The following TRIM71 variants were observed in gnomAD, a reference collection of about 807,000 sequenced individuals.
The protein encoded by TRIM71 is E3 ubiquitin-protein ligase TRIM71.
A neutral mutation model predicts 61.2 loss-of-function variants in TRIM71; 9 were observed. The observed-to-expected ratio is 0.15, with a 90% CI of 0.09 to 0.26. The LOEUF (loss-of-function observed/expected upper bound fraction) is 0.26, where lower values mean the gene tolerates loss of function less well. Ranked by LOEUF, TRIM71 falls within the 10% of genes least tolerant of loss-of-function variation. TRIM71 has a pLI of 1.00. For missense variants in TRIM71, 998 were observed against 1,238.7 expected (o/e 0.81, Z 2.92); for synonymous variants, 645 against 553.2 (o/e 1.17, Z -2.33).
In TRIM71 at chr3:32,818,013, C is replaced by G; in HGVS notation, c.-68C>G. ...GAGTCGGTGACTCCCCCACCCACCT[C>G]GTCCGCTCTCTCCTCCTCCTCCTCC... On this transcript the variant is annotated 5_prime_UTR_variant, in exon 1 of 4. Coordinates refer to ENST00000383763, the MANE Select transcript of TRIM71 (RefSeq NM_001039111.3). 2.0e-6 allele frequency: 3 copies of G among 1,474,364 alleles called. No homozygotes were observed. Among genetic ancestry groups the G allele is most frequent in the Non-Finnish European group, 2.8e-6 (3 of 1,067,312 alleles). The allele number at this position is 1,474,364 out of a possible 1,614,324, so 91.3% of individuals were successfully genotyped here. A position where few individuals can be genotyped will look rare whatever the true frequency, so the allele number is the denominator to read the frequency against.
intron 1 of TRIM71, among the ~76,000 whole-genome samples, chr3:32,840,486 T>C (rs1262536190): frequency 1.3e-5 from 2 of 152,208 alleles, no homozygotes; most frequent in African/African-American, 4.8e-5. Flanking sequence ...TCCTGAACTT[T>C]ACTCCATTAT....
intron 1 of TRIM71, among the ~76,000 whole-genome samples, chr3:32,838,460 T>G (rs1470792684): frequency 6.6e-6 from 1 of 151,306 alleles, no homozygotes; most frequent in Non-Finnish European, 1.5e-5. Context: ...CTGACTCAAG[T>G]GATCCACCCG....
rs562378568 is a variant in TRIM71, at chr3:32,818,002, C to T, written c.-79C>T. ...TTTTTCTGAGTGAGTCGGTGACTCC[C>T]CCACCCACCTCGTCCGCTCTCTCCT... On this transcript the variant is annotated 5_prime_UTR_variant, in exon 1 of 4. Coordinates refer to ENST00000383763, the MANE Select transcript of TRIM71 (RefSeq NM_001039111.3). The T allele has an allele frequency of 4.4e-6, 6 of 1,370,694 alleles. No homozygotes were observed. In the Admixed American group the frequency reaches 1.1e-4, roughly 25 times the overall value. 84.9% of individuals were successfully genotyped at this position (1,370,694 alleles called of 1,614,324 possible).
At chr3:32,868,949 CT>C (rs1288106675) in intron 1 of TRIM71, among the ~76,000 whole-genome samples, 13 of 152,176 alleles carry the variant, frequency 8.5e-5, no homozygotes, top group Admixed American at 5.9e-4. Flanking sequence ...GAGGCTTCTG[CT>C]GAGGGTTTGG....
At chr3:32,876,172 G>A (rs746931517) in intron 2 of TRIM71, among the ~76,000 whole-genome samples, 7 of 152,156 alleles carry the variant, frequency 4.6e-5, no homozygotes, top group African/African-American at 9.7e-5. Context: ...GGATGAAGTG[G>A]TTTGTGTCTT....
chr3:32,873,123 A>T (rs1696816222), intron 1 of TRIM71, among the ~76,000 whole-genome samples: 1 of 128,726 alleles, frequency 7.8e-6, no homozygotes, highest in Non-Finnish European at 1.6e-5. Flanking sequence ...AGGGAAGTGT[A>T]GAACATCACA....
chr3:32,845,411 C>T (rs901868755), intron 1 of TRIM71, among the ~76,000 whole-genome samples: 4 of 152,142 alleles, frequency 2.6e-5, no homozygotes, highest in African/African-American at 7.2e-5. Context: ...CCCCACTGTC[C>T]CTCATCTGGC....
chr3:32,844,308 AAG>A (rs1177198247), intron 1 of TRIM71, among the ~76,000 whole-genome samples: 1 of 152,190 alleles, frequency 6.6e-6, no homozygotes, highest in Non-Finnish European at 1.5e-5. Flanking sequence ...CCCTAGGAGG[AAG>A]AGGGGATTTT....
In TRIM71 at chr3:32,818,563, C is replaced by T. The variant is rs1382881277; in HGVS notation, c.483C>T (p.Ser161=). 2 of 1,257,028 alleles carry T rather than the reference C, an allele frequency of 1.6e-6. No homozygotes were observed. The highest frequency in any genetic ancestry group is 2.0e-6 in the Non-Finnish European group (2 of 1,008,698). The allele number at this position is 1,257,028 out of a possible 1,614,324, so 77.9% of individuals were successfully genotyped here. ...CTCACCACGCGCACCCGCGCGCGTC[C>T]GCCTCCGCGCCGCCACTCCCGCAGG... is the stretch of plus-strand genomic sequence containing the variant. ...HHAHHAHPRA[S]ASAPPLPQAP... Residue 161 remains serine (S), a synonymous_variant, in exon 1 of 4, where the codon TCC becomes TCT. Transcript: ENST00000383763.
intron 1 of TRIM71, among the ~76,000 whole-genome samples, chr3:32,828,179 G>T (rs771939371): frequency 1.3e-5 from 2 of 152,118 alleles, no homozygotes; most frequent in African/African-American, 4.8e-5. Flanking sequence ...TCCGAGATCA[G>T]TGTCAAAGGG....
intron 2 of TRIM71, among the ~76,000 whole-genome samples, chr3:32,882,469 G>C (rs910443320): frequency 1.3e-5 from 2 of 152,052 alleles, no homozygotes; most frequent in African/African-American, 4.8e-5. Context: ...CTGGGGCTGT[G>C]ACTCTTCAAA....
intron 1 of TRIM71, among the ~76,000 whole-genome samples, chr3:32,824,182 T>G (rs957207214): frequency 6.6e-6 from 1 of 152,110 alleles, no homozygotes; most frequent in African/African-American, 2.4e-5. Flanking sequence ...ATTTAGTCCT[T>G]TTGTTTTTTT....
intron 2 of TRIM71, among the ~76,000 whole-genome samples, chr3:32,879,656 C>A (rs1158981126): frequency 7.8e-6 from 1 of 127,884 alleles, no homozygotes; most frequent in Non-Finnish European, 1.6e-5. Flanking sequence ...AGTATTGCCA[C>A]AAATCTTCAA....
chr3:32,818,424 T>A lies in TRIM71; in HGVS notation c.344T>A (p.Leu115Gln). 1.4e-6 allele frequency: 2 copies of A among 1,475,802 alleles called. No homozygotes were observed. Among genetic ancestry groups the A allele is most frequent in the Non-Finnish European group, 1.8e-6 (2 of 1,118,014 alleles). The allele number at this position is 1,475,802 out of a possible 1,614,324, so 91.4% of individuals were successfully genotyped here. A position where few individuals can be genotyped will look rare whatever the true frequency, so the allele number is the denominator to read the frequency against. The stretch of plus-strand genomic sequence containing the variant: ...GACGCGCTGCCTTCGTCCGCCTTCC[T>A]GCTTAGCAACCTGCTCGACGCGGTG... ...GMDALPSSAF[L>Q]LSNLLDAVVA... Residue 115 changes from leucine to glutamine, a missense_variant, in exon 1 of 4, where the codon CTG (leucine) becomes CAG (glutamine). Leu to Gln is a moderately radical substitution (Grantham distance 113, BLOSUM62 -2). This residue lies in a region of TRIM71 where 527 missense variants were observed against 427.8 expected (regional missense o/e 1.23). Coordinates refer to ENST00000383763, the MANE Select transcript of TRIM71 (RefSeq NM_001039111.3).
rs35654776 is a variant in TRIM71, at chr3:32,847,190, ATTTT to A, written c.853-26608_853-26605del. 1.2e-4 allele frequency among the ~76,000 whole-genome samples: 13 copies of A among 107,108 alleles called. No homozygotes were observed. In the East Asian group the frequency reaches 4.0e-3, roughly 33 times the overall value. The allele number at this position is 107,108 out of a possible 152,430, so 70.3% of individuals were successfully genotyped here. A position where few individuals can be genotyped will look rare whatever the true frequency, so the allele number is the denominator to read the frequency against. ...CAGGCTCTCGCCGCCAGGTCCAGCA[ATTTT>A]TTTTTTTTTTTTTTTTTTTGAGACT... On this transcript the variant is annotated intron_variant, in intron 1 of 3. Transcript: ENST00000383763.
chr3:32,882,639 A>G (rs1014543845), intron 2 of TRIM71, among the ~76,000 whole-genome samples: 4 of 152,124 alleles, frequency 2.6e-5, no homozygotes, highest in African/African-American at 9.7e-5. Context: ...TCGATCTCCC[A>G]AGACTCAAGC....
At chr3:32,887,591 T>A (rs1345298985) in intron 3 of TRIM71, among the ~76,000 whole-genome samples, 1 of 151,790 alleles carries the variant, frequency 6.6e-6, no homozygotes. Flanking sequence ...CATCTCTGGT[T>A]ACTTTAAGAT....
chr3:32,876,111 G>A (rs1046544412), intron 2 of TRIM71, among the ~76,000 whole-genome samples: 4 of 152,076 alleles, frequency 2.6e-5, no homozygotes, highest in African/African-American at 7.2e-5. Flanking sequence ...TCCTTTGTCA[G>A]TGTCTTCACC....
At chr3:32,822,462 A>T (rs1402398065) in intron 1 of TRIM71, among the ~76,000 whole-genome samples, 1 of 152,158 alleles carries the variant, frequency 6.6e-6, no homozygotes, top group Non-Finnish European at 1.5e-5. Flanking sequence ...GGAAACTTAA[A>T]GTGGCTTCAG....
Sources: gnomAD v4.1 joint callset for allele counts (sites outside exome capture counted in the v4.1 genomes callset) on GRCh38, gnomAD v4.1.1 for gene constraint, gnomAD v4.1.1 regional missense constraint, MANE v1.5 for transcripts, NCBI Gene and HGNC (gene_info 2026-07-23, HGNC 2026-07-21) for gene names.